Variants in MSI2 observed in about 807,000 individuals in gnomAD.
MSI2 encodes musashi RNA binding protein 2.
A neutral mutation model predicts 45.6 loss-of-function variants in MSI2; 17 were observed. The ratio of observed to expected loss-of-function variants is 0.37; its 90% CI spans 0.26 to 0.56. The LOEUF is 0.56. MSI2 is among the 20% of genes least tolerant of loss of function. MSI2 has a pLI of 0.77. For synonymous variants in MSI2, 156 were observed against 158.2 expected, an observed-to-expected ratio of 0.99 and a Z score of 0.11; for missense variants, 293 against 444.2, an observed-to-expected ratio of 0.66 and a Z score of 3.06.
intron 7 of MSI2, among the ~76,000 whole-genome samples, chr17:57,542,529 A>G (rs1470242285): frequency 6.6e-6 from 1 of 152,172 alleles, no homozygotes; most frequent in Admixed American, 6.5e-5. Flanking sequence ...GTACACTAAA[A>G]TCCCCTGGGG....
At chr17:57,619,740 G>A (rs531724741) in intron 9 of MSI2, among the ~76,000 whole-genome samples, 2 of 152,266 alleles carry the variant, frequency 1.3e-5, no homozygotes, top group African/African-American at 4.8e-5. Context: ...CGCTTATCTG[G>A]ACAGCATCTG....
intron 7 of MSI2, among the ~76,000 whole-genome samples, chr17:57,541,465 A>G (rs1340636729): frequency 6.6e-6 from 1 of 152,204 alleles, no homozygotes; most frequent in Non-Finnish European, 1.5e-5. Context: ...CCTCCTTTCT[A>G]TCCTGAAAAA....
chr17:57,502,795 G>A (rs1467294150), intron 6 of MSI2, among the ~76,000 whole-genome samples: 1 of 151,348 alleles, frequency 6.6e-6, no homozygotes, highest in African/African-American at 2.4e-5. Context: ...CCCTTCCCCA[G>A]CACCATTACA....
chr17:57,512,978 T>C (rs868632427), intron 6 of MSI2, among the ~76,000 whole-genome samples: 6 of 131,806 alleles, frequency 4.6e-5, no homozygotes, highest in African/African-American at 2.2e-4. Flanking sequence ...CTTTTTTTTT[T>C]TTTTTTTCCT....
intron 6 of MSI2, among the ~76,000 whole-genome samples, chr17:57,452,074 G>C (rs2085029859): frequency 6.6e-6 from 1 of 152,192 alleles, no homozygotes; most frequent in South Asian, 2.1e-4. Context: ...CTCAAATCCA[G>C]CTTTCCCAGT....
chr17:57,307,271 G>A (rs1474836816), intron 5 of MSI2, among the ~76,000 whole-genome samples: 3 of 152,194 alleles, frequency 2.0e-5, no homozygotes, highest in African/African-American at 7.2e-5. Context: ...TTGACTTTAA[G>A]TAAAGCAGGT....
At chr17:57,538,582 G>C (rs2086972069) in intron 7 of MSI2, among the ~76,000 whole-genome samples, 1 of 152,184 alleles carries the variant, frequency 6.6e-6, no homozygotes, top group Admixed American at 6.5e-5. Context: ...CCCGCAAGTG[G>C]AGAGTGCGGG....
chr17:57,324,144 C>T (rs144159894), intron 5 of MSI2, among the ~76,000 whole-genome samples: 11 of 152,274 alleles, frequency 7.2e-5, no homozygotes, highest in East Asian at 1.9e-4. Context: ...CATGTCTGTA[C>T]GAGAAATTAA....
intron 7 of MSI2, among the ~76,000 whole-genome samples, chr17:57,563,990 G>A (rs539407129): frequency 1.1e-4 from 17 of 152,286 alleles, no homozygotes; most frequent in Admixed American, 5.9e-4. Context: ...CCTCTGAGGC[G>A]TGTCACATTT....
At chr17:57,309,775 G>A (rs1398894022) in intron 5 of MSI2, among the ~76,000 whole-genome samples, 1 of 152,144 alleles carries the variant, frequency 6.6e-6, no homozygotes, top group Non-Finnish European at 1.5e-5. Flanking sequence ...TACTTGGGGA[G>A]TCTCAATGGA....
At chr17:57,432,114 GA>G (rs879329159) in intron 6 of MSI2, among the ~76,000 whole-genome samples, 1 of 152,106 alleles carries the variant, frequency 6.6e-6, no homozygotes, top group Non-Finnish European at 1.5e-5. Flanking sequence ...TATTAAGCTT[GA>G]AAAAAATTGA....
chr17:57,518,667 T>C lies in MSI2; in HGVS notation c.406-11009T>C, dbSNP rs187611872. ...CTGGAGCTGGCAGGCTTGGGCCTTT[T>C]TCATGGTAGGTGAGGCCTGATGGGG... On this transcript the variant is annotated intron_variant, in intron 6 of 13. Coordinates refer to ENST00000284073, the MANE Select transcript of MSI2 (RefSeq NM_138962.4). Among the ~76,000 whole-genome samples, 705 of 152,258 alleles carry C rather than the reference T, an allele frequency of 4.6e-3. 4 individuals are homozygous for C. Among genetic ancestry groups the C allele is most frequent in the Admixed American group, 0.013 (197 of 15,298 alleles).
rs77457858 is a variant in MSI2 at position 57,281,466 on chromosome 17, T to A, written c.312+19274T>A. Among the ~76,000 whole-genome samples the A allele has an allele frequency of 4.8e-3, 728 of 152,318 alleles. 5 individuals carry two copies. Among genetic ancestry groups the A allele is most frequent in the Non-Finnish European group, 7.3e-3 (494 of 68,018 alleles). On this transcript the variant is annotated intron_variant, in intron 5 of 13. Transcript: ENST00000284073. ...TCTATCTTTGCAATCCAAACGTTCC[T>A]CTTCGTTTACTCTCCAGATCCCTTC...
intron 5 of MSI2, among the ~76,000 whole-genome samples, chr17:57,387,228 T>A (rs1362042940): frequency 6.6e-6 from 1 of 152,212 alleles, no homozygotes; most frequent in Non-Finnish European, 1.5e-5. Flanking sequence ...AGAACAGACA[T>A]CATGGCTATA....
intron 5 of MSI2, among the ~76,000 whole-genome samples, chr17:57,346,831 T>C (rs1161014297): frequency 6.6e-6 from 1 of 152,154 alleles, no homozygotes; most frequent in Non-Finnish European, 1.5e-5. Flanking sequence ...GGTCTCAAAC[T>C]CCTGAGCTCA....
chr17:57,618,075 T>TAAC (rs1907901663), intron 9 of MSI2: 2 of 131,386 alleles, frequency 1.5e-5, no homozygotes, highest in Non-Finnish European at 3.0e-5. Context: ...TGTCTCAAAA[T>TAAC]AATAATAATA....
chr17:57,362,496 T>C (rs1010191868), intron 5 of MSI2, among the ~76,000 whole-genome samples: 4 of 152,162 alleles, frequency 2.6e-5, no homozygotes, highest in African/African-American at 9.7e-5. Context: ...GTTTGCCCAG[T>C]GAGTTTATGG....
At chr17:57,631,892 T>C in intron 10 of MSI2, 2 of 1,599,684 alleles carry the variant, frequency 1.3e-6, no homozygotes, top group Non-Finnish European at 1.7e-6. Flanking sequence ...GAGGACACAG[T>C]CCCGGCCTGG....
chr17:57,325,658 A>T (rs927526725), intron 5 of MSI2, among the ~76,000 whole-genome samples: 41 of 151,996 alleles, frequency 2.7e-4, no homozygotes, highest in Non-Finnish European at 4.0e-4. Context: ...TGGTGTTGTC[A>T]TCTCTTCCCT....
Sources: allele counts gnomAD v4.1 joint callset (sites outside exome capture counted in the v4.1 genomes callset), GRCh38; gene constraint gnomAD v4.1.1; transcripts MANE v1.5; gene names NCBI Gene and HGNC (gene_info 2026-07-23, HGNC 2026-07-21).